Variants in RSPH3 observed in about 807,000 individuals in gnomAD.
RSPH3 encodes radial spoke head 3, also known as radial spoke head protein 3 homolog.
RSPH3 carries 21 observed loss-of-function variants against 43.8 expected under a neutral mutation model. The ratio of observed to expected loss-of-function variants is 0.48; its 90% confidence interval spans 0.34 to 0.69. The LOEUF (loss-of-function observed/expected upper bound fraction) is 0.69, where lower values mean the gene tolerates loss of function less well. RSPH3 is among the 30% of genes least tolerant of loss of function. RSPH3 has a pLI of 0.01. For missense variants in RSPH3, 487 were observed against 516.0 expected, an observed-to-expected ratio of 0.94 and a Z score of 0.54; for synonymous variants, 173 against 179.8, an observed-to-expected ratio of 0.96 and a Z score of 0.30.
In RSPH3 at chr6:158,999,735, C is replaced by G; in HGVS notation, c.-185G>C. 6.2e-7 allele frequency: 1 copy of G among 1,612,352 alleles called. No homozygotes were observed. Among genetic ancestry groups the G allele is most frequent in the Non-Finnish European group, 8.5e-7 (1 of 1,178,876 alleles). ...ACCAGCGCAGGAGGTGGGAGCTATACTGGGCTCGCTCCCAGCACCACAGAG... is the reference window on the plus strand; with the variant it reads ...ACCAGCGCAGGAGGTGGGAGCTATAGTGGGCTCGCTCCCAGCACCACAGAG... On this transcript the variant is annotated 5_prime_UTR_variant, in exon 1 of 8. Coordinates refer to ENST00000367069, the MANE Select transcript of RSPH3 (RefSeq NM_031924.8).
chr6:158,983,272 G>T (rs1778098324), intron 4 of RSPH3, among the ~76,000 whole-genome samples: 1 of 151,788 alleles, frequency 6.6e-6, no homozygotes, highest in Non-Finnish European at 1.5e-5. Flanking sequence ...TTTTTTAAAT[G>T]AGAGAATATC....
chr6:158,990,023 C>A (rs1446756366), intron 2 of RSPH3, among the ~76,000 whole-genome samples: 1 of 152,136 alleles, frequency 6.6e-6, no homozygotes, highest in Non-Finnish European at 1.5e-5. Flanking sequence ...AGCCCCCCAG[C>A]CTACATCTTT....
intron 2 of RSPH3, among the ~76,000 whole-genome samples, chr6:158,990,895 T>C (rs1778381833): frequency 6.6e-6 from 1 of 151,898 alleles, no homozygotes; most frequent in Non-Finnish European, 1.5e-5. Context: ...CCTTTTTTTT[T>C]TTTTTTTGGT....
rs567742599 is a variant in RSPH3 at position 158,995,773 on chromosome 6, A to G, written c.117-1847T>C. On this transcript the variant is annotated intron_variant, in intron 1 of 7. Coordinates refer to ENST00000367069, the MANE Select transcript of RSPH3 (RefSeq NM_031924.8). ...CCACGCCCGGCTCATTTTTTTTTGT[A>G]TTTTTTTAGTAGAGACGGGGTTTCA... 2.0e-5 allele frequency among the ~76,000 whole-genome samples: 3 copies of G among 150,172 alleles called. No homozygotes were observed. In the South Asian group the frequency reaches 6.3e-4, roughly 32 times the overall value.
At chr6:158,992,635 C>T (rs116449145) in intron 2 of RSPH3, among the ~76,000 whole-genome samples, 2,861 of 152,106 alleles carry the variant, frequency 0.019, 87 homozygotes, top group African/African-American at 0.065. Context: ...TTATGGTGTT[C>T]GGCAGGTTTG....
downstream of RSPH3, among the ~76,000 whole-genome samples, chr6:158,972,074 C>A (rs754250912): frequency 6.6e-6 from 1 of 152,072 alleles, no homozygotes; most frequent in African/African-American, 2.4e-5. Flanking sequence ...GCAATAAAAT[C>A]ATTTTGTCTC....
At chr6:158,998,874 A>G (rs117124454) in intron 1 of RSPH3, among the ~76,000 whole-genome samples, 2,694 of 151,660 alleles carry the variant, frequency 0.018, 34 homozygotes, top group Middle Eastern at 0.024. Context: ...CCGTCTCAAA[A>G]CAACAACAGC....
chr6:158,965,164 T>G, the RSPH3 span, among the ~76,000 whole-genome samples: 8 of 152,144 alleles, frequency 5.3e-5, no homozygotes, highest in Non-Finnish European at 4.4e-5. Context: ...TATATTTCTA[T>G]CCTTATCCCT....
At position 158,977,753 on chromosome 6, in the gene RSPH3, G is replaced by A. The variant is rs1439221955; in HGVS notation, c.1042C>T (p.Pro348Ser). Residue 348 changes from proline to serine, a missense_variant, in exon 8 of 8, where the codon CCT becomes TCT. Coordinates refer to ENST00000367069, the MANE Select transcript of RSPH3 (RefSeq NM_031924.8). The stretch of plus-strand genomic sequence containing the variant: ...TCCAGTGACTCTGTCATTGCTCCAG[G>A]ACCACCAGGCTCATCCTCGGGTTCT... ...SPEPEDEPGG[P>S]GAMTESLEAS... 2.5e-6 allele frequency: 4 copies of A among 1,614,052 alleles called. No individual in the cohort carries two copies. The highest frequency in any genetic ancestry group is 3.4e-6 in the Non-Finnish European group (4 of 1,179,958).
intron 5 of RSPH3, among the ~76,000 whole-genome samples, chr6:158,981,222 T>C (rs1368140536): frequency 1.3e-5 from 2 of 152,212 alleles, no homozygotes; most frequent in African/African-American, 4.8e-5. Context: ...AGCAAAAAGA[T>C]AATCACCATT....
rs767592223 is a variant in RSPH3, at chr6:158,999,540, G to A, written c.11C>T (p.Ala4Val). MAS[A>V]LTDRTSRAPS... is the part of the protein sequence containing the mutation. Reference sequence around the variant, plus strand: ...GGCCCGAGAGGTGCGATCAGTCAGCGCTGAGGCCATGTCCGGGGGCTGACT... The same window carrying A: ...GGCCCGAGAGGTGCGATCAGTCAGCACTGAGGCCATGTCCGGGGGCTGACT... Residue 4 changes from alanine (A) to valine (V), a missense_variant, in exon 1 of 8, where the codon GCG becomes GTG. Ala to Val is a moderately conservative substitution (Grantham distance 64). Transcript: ENST00000367069. The A allele has an allele frequency of 6.3e-7, 1 of 1,599,112 alleles. No individual in the cohort carries two copies. Among genetic ancestry groups the A allele is most frequent in the Non-Finnish European group, 8.5e-7 (1 of 1,170,084 alleles).
intron 5 of RSPH3, 91 bp from the exon 6 acceptor site, chr6:158,981,027 T>C: frequency 8.0e-7 from 1 of 1,253,930 alleles, no homozygotes; most frequent in Non-Finnish European, 1.1e-6. Context: ...AATCCAGACT[T>C]ATCAAAAAAT....
chr6:158,994,277 T>C (rs957945021), intron 1 of RSPH3, among the ~76,000 whole-genome samples: 3 of 152,190 alleles, frequency 2.0e-5, no homozygotes, highest in African/African-American at 7.2e-5. Context: ...TTAGGAAATA[T>C]GAAAATGTCC....
At chr6:158,993,814 GT>G in intron 2 of RSPH3, 24 bp downstream of exon 2, 1 of 1,323,900 alleles carries the variant, frequency 7.6e-7, no homozygotes. Flanking sequence ...AGAACACGGT[GT>G]TAGACTATTC....
chr6:158,970,076 C>CTTT (rs570055821), downstream of RSPH3, among the ~76,000 whole-genome samples: 6 of 150,558 alleles, frequency 4.0e-5, no homozygotes, highest in Non-Finnish European at 8.9e-5. Flanking sequence ...CTGCCTTGTA[C>CTTT]TTTTTTCTTT....
In RSPH3 at chr6:158,980,828, A is replaced by T; in HGVS notation, c.805T>A (p.Ser269Thr). 1 of 1,614,150 alleles carries T rather than the reference A, an allele frequency of 6.2e-7. No homozygotes were observed. Among genetic ancestry groups the T allele is most frequent in the Non-Finnish European group, 8.5e-7 (1 of 1,179,982 alleles). Residue 269 changes from serine to threonine, a missense_variant, in exon 6 of 8, where the codon TCT becomes ACT. Ser to Thr is a moderately conservative substitution (Grantham distance 58). Transcript: ENST00000367069. ...AQRYLADLLP[S>T]VFGSLRDSGY... ...CTATCCCTGAGGCTGCCAAAAACAG[A>T]CGGGAGAAGGTCAGCCAGGTAACGC... is the stretch of plus-strand genomic sequence containing the variant.
At chr6:158,991,494 T>G (rs1778404275) in intron 2 of RSPH3, among the ~76,000 whole-genome samples, 1 of 152,190 alleles carries the variant, frequency 6.6e-6, no homozygotes, top group Non-Finnish European at 1.5e-5. Flanking sequence ...TTCAGCTCCT[T>G]TCTAGGCTCT....
chr6:158,982,012 GTCACC>G (rs1778046153), intron 5 of RSPH3, among the ~76,000 whole-genome samples: 1 of 151,940 alleles, frequency 6.6e-6, no homozygotes, highest in South Asian at 2.1e-4. Flanking sequence ...GGTCTGGTGT[GTCACC>G]AAGGGTATAA....
chr6:158,980,700 G>C (rs1001284263), intron 6 of RSPH3, 74 bp downstream of exon 6: 2 of 1,202,134 alleles, frequency 1.7e-6, no homozygotes, highest in Non-Finnish European at 2.4e-6. Flanking sequence ...AATAAAAATG[G>C]ACATAAGATA....
Sources: allele counts gnomAD v4.1 joint callset (sites outside exome capture counted in the v4.1 genomes callset), GRCh38; gene constraint gnomAD v4.1.1; transcripts MANE v1.5; gene names NCBI Gene and HGNC (gene_info 2026-07-23, HGNC 2026-07-21).